Variants in DMAC2 observed in about 807,000 individuals in gnomAD.
DMAC2 encodes the protein distal membrane-arm assembly complex protein 2.
In DMAC2, 32 loss-of-function variants were observed where a neutral mutation model predicts 29.6. That is an observed-to-expected ratio of 1.08 (90% confidence interval 0.81 to 1.45). DMAC2 has a LOEUF of 1.45. DMAC2 is among the 40% of genes most tolerant of loss of function. DMAC2 has a pLI of 0.00. For synonymous variants in DMAC2, 133 were observed against 137.4 expected (o/e 0.97, Z 0.23); for missense variants, 319 against 340.0 (o/e 0.94, Z 0.49).
chr19:41,433,636 C>A lies in DMAC2; in HGVS notation c.334G>T (p.Gly112Cys). 1 of 1,614,220 alleles carries A rather than the reference C, an allele frequency of 6.2e-7. No individual in the cohort carries two copies. The highest frequency in any genetic ancestry group is 8.5e-7 in the Non-Finnish European group (1 of 1,180,036). The change falls in exon 4 of 6, where the codon GGC becomes TGC. Residue 112 changes from glycine (G) to cysteine (C), a missense_variant. By Grantham distance (159) the Gly-to-Cys change is radical. Transcript: ENST00000221943. ...TTCCAGAACTCCTGAGAGAAATGGCCATACTTATCTGGCCTGATCCACTCC... is the reference window on the plus strand; with the variant it reads ...TTCCAGAACTCCTGAGAGAAATGGCAATACTTATCTGGCCTGATCCACTCC... ...DKEWIRPDKY[G>C]HFSQEFWNFC...
chr19:41,432,566 T>TG (rs1261667285), intron 5 of DMAC2, 158 bp from the exon 6 acceptor site: 2 of 629,290 alleles, frequency 3.2e-6, no homozygotes, highest in Admixed American at 2.6e-5. Flanking sequence ...GGACAGTGTG[T>TG]GCGTGTGTGT....
intron 5 of DMAC2, chr19:41,432,783 C>CGT (rs374254190): frequency 0.17 from 52,069 of 299,746 alleles, 2,709 homozygotes; most frequent in African/African-American, 0.24. Flanking sequence ...GGACAGCGTG[C>CGT]GTGTGTGTGT....
At position 41,433,323 on chromosome 19, in the gene DMAC2, G is replaced by A. The variant is rs1555770032; in HGVS notation, c.545C>T (p.Ala182Val). ...CCGTTCGGAGATGCGGGGGCAACCG[G>A]CCAGCGAGAGCTCCTGCAACGAGTC... is the stretch of plus-strand genomic sequence containing the variant. The part of the protein sequence containing the change: ...LADSLQELSL[A>V]GCPRISERGL... Residue 182 changes from alanine to valine, a missense_variant, in exon 5 of 6, where the codon GCC becomes GTC. Physicochemically the swap from Ala to Val is moderately conservative, Grantham distance 64. Coordinates refer to ENST00000221943, the MANE Select transcript of DMAC2 (RefSeq NM_018035.3). 6.2e-7 allele frequency: 1 copy of A among 1,611,608 alleles called. No individual in the cohort carries two copies.
In DMAC2 at chr19:41,432,674, G is replaced by GTA. The variant is rs1555769581; in HGVS notation, c.597-267_597-266insTA. ...ACAGCGTGTGTGTGTGTGTGTGTGT[G>GTA]TGTATAGGGAGATAAGCCAGTATAA... is the stretch of plus-strand genomic sequence containing the variant. On this transcript the variant is annotated intron_variant, in intron 5 of 5. Transcript: ENST00000221943. The GTA allele has an allele frequency of 2.0e-3, 735 of 365,624 alleles. 1 individual carries two copies. The highest frequency in any genetic ancestry group is 2.9e-3 in the Non-Finnish European group (594 of 203,238). 22.6% of individuals were successfully genotyped at this position (365,624 alleles called of 1,614,324 possible).
intron 3 of DMAC2, 55 bp from the exon 4 acceptor site, chr19:41,433,728 A>C: frequency 6.2e-7 from 1 of 1,610,876 alleles, no homozygotes; most frequent in Admixed American, 1.7e-5. Flanking sequence ...CCAGGCCTCC[A>C]GCCTCTTCAG....
rs868955982 is a variant in DMAC2 at position 41,438,219 on chromosome 19, G to A, written c.214C>T (p.Arg72Ter). ...REMYKVHEKN[R>*]SYTWLEKQHG... ...GTCTTGCAGACCAGGGATTCTCACCGATTTTTCTCATGCACCTTGTACATC... is the reference window on the plus strand; with the variant it reads ...GTCTTGCAGACCAGGGATTCTCACCAATTTTTCTCATGCACCTTGTACATC... The change falls in exon 2 of 6, where the codon CGA becomes TGA. Residue 72 changes from arginine (R) to a stop codon, truncating the protein, a stop_gained and splice_region_variant. Coordinates refer to ENST00000221943, the MANE Select transcript of DMAC2 (RefSeq NM_018035.3). LOFTEE classifies it high-confidence loss of function. 10 of 1,613,164 alleles carry A rather than the reference G, an allele frequency of 6.2e-6. No homozygotes were observed. The highest frequency in any genetic ancestry group is 1.6e-4 in the Middle Eastern group (1 of 6,078).
chr19:41,436,328 C>T (rs2039861862), intron 3 of DMAC2, 64 bp downstream of exon 3: 1 of 1,440,300 alleles, frequency 6.9e-7, no homozygotes, highest in African/African-American at 1.4e-5. Context: ...GACTGCAGAA[C>T]CTGGATGTTA....
At chr19:41,433,133 CATAA>C (rs2039662327) in intron 5 of DMAC2, 135 bp downstream of exon 5, 5 of 942,648 alleles carry the variant, frequency 5.3e-6, no homozygotes, top group African/African-American at 1.7e-5. Flanking sequence ...GCTCATCTAC[CATAA>C]ATACTCTAGG....
At chr19:41,432,477 G>A in intron 5 of DMAC2, 69 bp from the exon 6 acceptor site, 1 of 1,499,748 alleles carries the variant, frequency 6.7e-7, no homozygotes, top group Non-Finnish European at 9.2e-7. Context: ...GGGAGGTACA[G>A]GACAGCGTGT....
intron 3 of DMAC2, 96 bp from the exon 4 acceptor site, chr19:41,433,769 G>C: frequency 1.3e-6 from 2 of 1,504,136 alleles, no homozygotes; most frequent in Non-Finnish European, 1.8e-6. Context: ...AATATGTATA[G>C]GTCACCCTTG....
At position 41,432,239 on chromosome 19, in the gene DMAC2, G is replaced by C. The variant is rs143413450; in HGVS notation, c.766C>G (p.Pro256Ala). ...GGGGACAGGGCTAAAGGCTAGGCAG[G>C]GACAGGGCTGGCTGTGTCCCGAGGC... ...EQPRDTASPV[P>A]A The change falls in exon 6 of 6, where the codon CCT becomes GCT. Residue 256 changes from proline to alanine, a missense_variant. Pro to Ala is a conservative substitution (Grantham distance 27). Transcript: ENST00000221943. The C allele has an allele frequency of 1.0e-4, 161 of 1,613,584 alleles. No homozygotes were observed. Among genetic ancestry groups the C allele is most frequent in the Middle Eastern group, 1.7e-4 (1 of 5,954 alleles).
At position 41,432,783 on chromosome 19, in the gene DMAC2, C is replaced by CGTGCGT. The variant is rs1555769722; in HGVS notation, c.597-376_597-375insACGCAC. 4.1e-4 allele frequency: 124 copies of CGTGCGT among 303,374 alleles called. 1 individual carries two copies. The highest frequency in any genetic ancestry group is 3.9e-4 in the Admixed American group (7 of 17,954). 18.8% of individuals were successfully genotyped at this position (303,374 alleles called of 1,614,324 possible). On this transcript the variant is annotated intron_variant, in intron 5 of 5. Transcript: ENST00000221943. ...GTGTAGGGAGGTACAGGACAGCGTG[C>CGTGCGT]GTGTGTGTGTGTGTGTGTGTGTGTG... is the stretch of plus-strand genomic sequence containing the variant.
In DMAC2 at chr19:41,437,094, T is replaced by C. The variant is rs78103649; in HGVS notation, c.216-622A>G. On this transcript the variant is annotated intron_variant, in intron 2 of 5. Transcript: ENST00000221943. The stretch of plus-strand genomic sequence containing the variant: ...TGATAAGATTCCTTCAGCTGCTTTG[T>C]AGATTATAAAAAACTATGGGACAGG... Among the ~76,000 whole-genome samples the C allele has an allele frequency of 2.4e-3, 366 of 152,256 alleles. 14 individuals carry two copies. In the East Asian group the frequency reaches 0.059, roughly 25 times the overall value.
chr19:41,439,320 AT>A (rs1233029248), intron 1 of DMAC2: 5 of 553,246 alleles, frequency 9.0e-6, no homozygotes, highest in Non-Finnish European at 1.3e-5. Context: ...TCATTCCTTG[AT>A]TTTAAATCCT....
At chr19:41,436,293 G>T in intron 3 of DMAC2, 99 bp downstream of exon 3, 2 of 1,035,582 alleles carry the variant, frequency 1.9e-6, no homozygotes, top group Non-Finnish European at 3.0e-6. Flanking sequence ...AGGCGGCAGA[G>T]ACCAGGGGAC....
At chr19:41,435,908 C>A (rs1417794126) in intron 3 of DMAC2, among the ~76,000 whole-genome samples, 1 of 150,704 alleles carries the variant, frequency 6.6e-6, no homozygotes, top group Non-Finnish European at 1.5e-5. Flanking sequence ...TGGAGTCTTG[C>A]CCTGTCCCCC....
intron 5 of DMAC2, 152 bp from the exon 6 acceptor site, chr19:41,432,560 A>AGTGTGTGC (rs2039576310): frequency 1.3e-5 from 8 of 602,934 alleles, no homozygotes; most frequent in Non-Finnish European, 2.0e-5. Flanking sequence ...GGTACAGGAC[A>AGTGTGTGC]GTGTGTGCGT....
rs962413661 is a variant in DMAC2 at position 41,432,323 on chromosome 19, T to G, written c.682A>C (p.Asn228His). 13 of 1,613,994 alleles carry G rather than the reference T, an allele frequency of 8.1e-6. No individual in the cohort carries two copies. In the African/African-American group the frequency reaches 1.6e-4, roughly 20 times the overall value. Residue 228 changes from asparagine (N) to histidine (H), a missense_variant, in exon 6 of 6, where the codon AAT becomes CAT. Coordinates refer to ENST00000221943, the MANE Select transcript of DMAC2 (RefSeq NM_018035.3). The stretch of plus-strand genomic sequence containing the variant: ...CAGTCGACTCCCACAACCTCGCAAT[T>G]GGGCAGCATCTCCTCCACCAATATC... ...TQILVEEMLP[N>H]CEVVGVDWAE...
rs1555770126 is a variant in DMAC2, at chr19:41,433,411, A to G, written c.457T>C (p.Leu153=). 6.2e-7 allele frequency: 1 copy of G among 1,613,748 alleles called. No homozygotes were observed. The highest frequency in any genetic ancestry group is 1.7e-5 in the Admixed American group (1 of 60,024). ...ACGTGGCAGCAGCGCTGCAGCGACA[A>G]GGACTGGAGCTCCTTCAGGCGGACT... ...NLLRLKELQS[L]SLQRCCHVDD... The change falls in exon 5 of 6, where the codon TTG becomes CTG. Residue 153 remains leucine, a synonymous_variant. Transcript: ENST00000221943.
Sources: gnomAD v4.1 joint callset for allele counts (sites outside exome capture counted in the v4.1 genomes callset) on GRCh38, gnomAD v4.1.1 for gene constraint, MANE v1.5 for transcripts, NCBI Gene and HGNC (gene_info 2026-07-23, HGNC 2026-07-21) for gene names.